GAK: variants seen among roughly 807,000 people sequenced by gnomAD.
The protein encoded by GAK is cyclin G associated kinase.
A neutral mutation model predicts 143.9 loss-of-function variants in GAK; 79 were observed. The observed-to-expected ratio is 0.55, with a 90% CI of 0.46 to 0.66. The LOEUF is 0.66. Ranked by LOEUF, GAK falls within the 30% of genes least tolerant of loss-of-function variation. The pLI, the probability that GAK is intolerant of heterozygous loss-of-function variation, is 0.00. For synonymous variants in GAK, 881 were observed against 765.5 expected, an observed-to-expected ratio of 1.15 and a Z score of -2.49; for missense variants, 1,693 against 1,779.7, an observed-to-expected ratio of 0.95 and a Z score of 0.88.
rs561295528 is a variant in GAK, at chr4:867,326, G to A, written c.2502C>T (p.Ser834=). Residue 834 remains serine, a synonymous_variant, in exon 21 of 28, where the codon TCC becomes TCT. Transcript: ENST00000314167. The part of the protein sequence containing the change: ...DESEVSDEGG[S]PISSEGQEPR... Reference sequence around the variant, plus strand: ...GTTCCTGGCCCTCGCTGGAGATCGGGGATCCCCCTTCATCTGACACCTCAC... The same window carrying A: ...GTTCCTGGCCCTCGCTGGAGATCGGAGATCCCCCTTCATCTGACACCTCAC... The A allele has an allele frequency of 4.3e-6, 7 of 1,610,514 alleles. No individual in the cohort carries two copies. In the African/African-American group the frequency reaches 8.0e-5, roughly 18 times the overall value.
At chr4:921,877 C>T (rs1723973846) in intron 1 of GAK, among the ~76,000 whole-genome samples, 1 of 152,138 alleles carries the variant, frequency 6.6e-6, no homozygotes, top group Admixed American at 6.5e-5. Context: ...AAGACATGAA[C>T]AGACATTTCA....
chr4:894,724 T>C (rs4690202), intron 7 of GAK: 20,915 of 152,324 alleles, frequency 0.14, 1,808 homozygotes, highest in Middle Eastern at 0.31. Flanking sequence ...GGCTCACGCC[T>C]GTAATCCCAG....
At chr4:870,649 G>A (rs2152764371) in intron 19 of GAK, 62 bp downstream of exon 19, 1 of 1,542,996 alleles carries the variant, frequency 6.5e-7, no homozygotes, top group Non-Finnish European at 8.9e-7. Context: ...AGCCAAAGGT[G>A]TCTCTCTCCA....
Position 849,556 on chromosome 4 carries a change from C to A in GAK, c.*117G>T. On this transcript the variant is annotated 3_prime_UTR_variant, in exon 28 of 28. Transcript: ENST00000314167. ...GCTGGGCGGGCGGTGACCCGGGGCT[C>A]GGAGCCCCACCCTGGCCACACCTGC... 2 of 724,868 alleles carry A rather than the reference C, an allele frequency of 2.8e-6. No homozygotes were observed. The highest frequency in any genetic ancestry group is 4.8e-6 in the Non-Finnish European group (2 of 419,826). The allele number at this position is 724,868 out of a possible 1,614,324, so 44.9% of individuals were successfully genotyped here.
chr4:931,328 A>G (rs924351092), intron 1 of GAK, among the ~76,000 whole-genome samples: 2 of 152,194 alleles, frequency 1.3e-5, no homozygotes, highest in South Asian at 4.1e-4. Flanking sequence ...ACACGGAATC[A>G]CACGAGTAGA....
Position 882,578 on chromosome 4 carries a change from C to T in GAK, c.1527+119G>A, listed in dbSNP as rs867319505. ...GACACCAAGCACAGGGACTTTCTTC[C>T]GTGTCCCAGGGTGAAGAACAGGCCC... is the stretch of plus-strand genomic sequence containing the variant. On this transcript the variant is annotated intron_variant, in intron 14 of 27. Transcript: ENST00000314167. 84 of 1,298,684 alleles carry T rather than the reference C, an allele frequency of 6.5e-5. 2 individuals are homozygous for T. In the Middle Eastern group the frequency reaches 1.2e-3, roughly 19 times the overall value. 80.4% of individuals were successfully genotyped at this position (1,298,684 alleles called of 1,614,324 possible). A position where few individuals can be genotyped will look rare whatever the true frequency, so the allele number is the denominator to read the frequency against.
intron 23 of GAK, among the ~76,000 whole-genome samples, chr4:860,141 A>G (rs901570859): frequency 6.6e-6 from 1 of 152,180 alleles, no homozygotes; most frequent in Non-Finnish European, 1.5e-5. Context: ...AAATAAAAAA[A>G]TCATCCAGGC....
chr4:865,276 T>G (rs373506381), intron 22 of GAK, 32 bp from the exon 23 acceptor site: 1 of 1,611,766 alleles, frequency 6.2e-7, no homozygotes, highest in Non-Finnish European at 8.5e-7. Flanking sequence ...AGAGCACAGT[T>G]TGGTGTCTCA....
At chr4:894,073 CG>C (rs1322180444) in intron 7 of GAK, 64 bp from the exon 8 acceptor site, 1 of 1,414,138 alleles carries the variant, frequency 7.1e-7, no homozygotes, top group African/African-American at 1.6e-5. Context: ...CCTGGGCCTG[CG>C]GGGAGAGCAG....
intron 4 of GAK, among the ~76,000 whole-genome samples, chr4:905,965 G>A (rs1192501940): frequency 1.3e-5 from 2 of 152,244 alleles, no homozygotes; most frequent in East Asian, 1.9e-4. Flanking sequence ...GTCACACACA[G>A]AGCAGAGGCC....
chr4:877,557 C>T (rs1442137989), intron 16 of GAK, 58 bp downstream of exon 16: 25 of 1,500,858 alleles, frequency 1.7e-5, no homozygotes, highest in Middle Eastern at 3.8e-4. Flanking sequence ...TCCTCTTTAA[C>T]GGTTTTCCGG....
At chr4:870,989 A>C in intron 18 of GAK, 85 bp from the exon 19 acceptor site, 1 of 1,240,274 alleles carries the variant, frequency 8.1e-7, no homozygotes, top group Non-Finnish European at 1.1e-6. Context: ...ACGTGCATGG[A>C]AACAGGTGGC....
intron 24 of GAK, among the ~76,000 whole-genome samples, chr4:854,498 G>A (rs1748781702): frequency 6.6e-6 from 1 of 152,186 alleles, no homozygotes; most frequent in South Asian, 2.1e-4. Flanking sequence ...TAAAGGCCCT[G>A]CATTCTGATG....
chr4:849,789 C>G lies in GAK; in HGVS notation c.3835-15G>C, dbSNP rs751570040. On this transcript the variant is annotated splice_polypyrimidine_tract_variant and intron_variant, in intron 27 of 27. Coordinates refer to ENST00000314167, the MANE Select transcript of GAK (RefSeq NM_005255.4). ...TGCCCCGCAGCCTATGGGTGACAGGCGGTGTAAGCGCCTCTTATAAGCATG... is the reference window on the plus strand; with the variant it reads ...TGCCCCGCAGCCTATGGGTGACAGGGGGTGTAAGCGCCTCTTATAAGCATG... 1.6e-5 allele frequency: 26 copies of G among 1,604,170 alleles called. No homozygotes were observed. Among genetic ancestry groups the G allele is most frequent in the Non-Finnish European group, 2.1e-5 (25 of 1,173,886 alleles).
rs1219858752 is a variant in GAK, at chr4:888,899, G to A, written c.1153C>T (p.Leu385Phe). ...GAGGTGTCCTTGAGGTTGGTGAAGA[G>A]CCGCTCTGTCCCACCCCGCAGAATG... Reference protein sequence around the residue: ...LDILRGGTERLFTNLKDTSSK... With the variant: ...LDILRGGTERFFTNLKDTSSK... Residue 385 changes from leucine to phenylalanine, a missense_variant, in exon 11 of 28, where the codon CTC becomes TTC. Transcript: ENST00000314167. The A allele has an allele frequency of 6.2e-7, 1 of 1,612,080 alleles. No individual in the cohort carries two copies. Among genetic ancestry groups the A allele is most frequent in the Non-Finnish European group, 8.5e-7 (1 of 1,179,486 alleles).
intron 1 of GAK, among the ~76,000 whole-genome samples, chr4:928,913 G>A (rs1276036460): frequency 6.6e-6 from 1 of 152,090 alleles, no homozygotes; most frequent in Non-Finnish European, 1.5e-5. Context: ...ACAGGCATGT[G>A]TCACCACACC....
At chr4:897,935 G>T in intron 6 of GAK, 98 bp downstream of exon 6, 2 of 1,369,712 alleles carry the variant, frequency 1.5e-6, no homozygotes, top group Non-Finnish European at 2.0e-6. Context: ...GTGACAGAGC[G>T]AGACTCAAAG....
chr4:862,508 A>C (rs1463275742), intron 23 of GAK, among the ~76,000 whole-genome samples: 1 of 152,156 alleles, frequency 6.6e-6, no homozygotes. Context: ...GTTTCAAAAA[A>C]TTAGCCGGGC....
chr4:920,735 G>A (rs571193547), intron 1 of GAK, among the ~76,000 whole-genome samples: 36 of 151,756 alleles, frequency 2.4e-4, no homozygotes, highest in African/African-American at 7.3e-4. Flanking sequence ...GTAGAGACGG[G>A]GTTTCACCAT....
Sources: gnomAD v4.1 joint callset for allele counts (sites outside exome capture counted in the v4.1 genomes callset) on GRCh38, gnomAD v4.1.1 for gene constraint, MANE v1.5 for transcripts, NCBI Gene and HGNC (gene_info 2026-07-23, HGNC 2026-07-21) for gene names.